EGR2: variants seen among roughly 807,000 people sequenced by gnomAD.
EGR2 encodes E3 SUMO-protein ligase EGR2.
EGR2 carries 2 observed loss-of-function variants against 21.2 expected under a neutral mutation model. The observed-to-expected ratio is 0.09, with a 90% CI of 0.04 to 0.30. The LOEUF is 0.30. EGR2 is among the 10% of genes least tolerant of loss of function. The probability of loss-of-function intolerance (pLI) is 1.00; values close to 1 mark genes in which losing one functional copy is unlikely to be tolerated. For synonymous variants in EGR2, 282 were observed against 258.2 expected (o/e 1.09, Z -0.88); for missense variants, 458 against 630.2 (o/e 0.73, Z 2.93).
upstream of EGR2, chr10:62,818,477 A>C: frequency 2.0e-6 from 2 of 995,700 alleles, no homozygotes; most frequent in Admixed American, 7.5e-5. Flanking sequence ...AAAATGTGCA[A>C]AGTCCTATTT....
Position 62,814,328 on chromosome 10 carries a change from C to T in EGR2, c.310G>A (p.Gly104Ser), listed in dbSNP as rs1282757083. The T allele has an allele frequency of 6.2e-7, 1 of 1,614,116 alleles. No homozygotes were observed. Among genetic ancestry groups the T allele is most frequent in the Non-Finnish European group, 8.5e-7 (1 of 1,180,020 alleles). ...ATGCCTTCTGGGTAGCAGCTGGCAC[C>T]AGGGTACTGAGGGTCAATGGAGAAC... is the stretch of plus-strand genomic sequence containing the variant. The part of the protein sequence containing the change: ...GKFSIDPQYP[G>S]ASCYPEGIIN... The change falls in exon 2 of 2, where the codon GGT becomes AGT. Residue 104 changes from glycine to serine, a missense_variant. Gly to Ser is a moderately conservative substitution (Grantham distance 56). Around this residue, in one of 5 missense-constraint regions of EGR2, gnomAD observed 253 missense variants for 315.5 expected, o/e 0.80. Coordinates refer to ENST00000242480, the MANE Select transcript of EGR2 (RefSeq NM_000399.5). The surrounding 1 kb of genome is among the most constrained non-coding windows in gnomAD (Gnocchi z 4.8).
chr10:62,816,314 AC>A lies in EGR2; in HGVS notation c.-286del, dbSNP rs1214153993. On this transcript the variant is annotated 5_prime_UTR_variant, in exon 1 of 2. Transcript: ENST00000242480. ...GAGTTGCTGGTGTAGTGTTATTATA[AC>A]AGTCAGTGAGTCCCCTCGCCGAGCT... 1.3e-5 allele frequency: 17 copies of A among 1,298,808 alleles called. No individual in the cohort carries two copies. The highest frequency in any genetic ancestry group is 1.7e-5 in the Non-Finnish European group (17 of 1,014,680). 80.5% of individuals were successfully genotyped at this position (1,298,808 alleles called of 1,614,324 possible). A position where few individuals can be genotyped will look rare whatever the true frequency, so the allele number is the denominator to read the frequency against.
chr10:62,817,904 C>T (rs1385541446), upstream of EGR2, among the ~76,000 whole-genome samples: 2 of 152,244 alleles, frequency 1.3e-5, no homozygotes, highest in Admixed American at 6.5e-5. This position sits in a 1 kb window ranked among gnomAD's most constrained non-coding sequence, Gnocchi z 4.4. Context: ...AGGCTGGTCC[C>T]GGGTGCCCAA....
In EGR2 at chr10:62,813,435, G is replaced by C. The variant is rs1464637425; in HGVS notation, c.1203C>G (p.Asp401Glu). Residue 401 changes from aspartate to glutamate, a missense_variant, in exon 2 of 2, where the codon GAC becomes GAG. This residue lies in a region of EGR2 where 39 missense variants were observed against 113.7 expected (regional missense o/e 0.34). Coordinates refer to ENST00000242480, the MANE Select transcript of EGR2 (RefSeq NM_000399.5). The surrounding 1 kb of genome is among the most constrained non-coding windows in gnomAD (Gnocchi z 5.7). Reference protein sequence around the residue: ...THTGEKPFACDYCGRKFARSD... With the variant: ...THTGEKPFACEYCGRKFARSD... ...TCCGGGCAAACTTTCGGCCACAGTA[G>C]TCACAGGCGAAGGGCTTCTCACCGG... The C allele has an allele frequency of 1.9e-6, 3 of 1,614,156 alleles. No homozygotes were observed. The highest frequency in any genetic ancestry group is 1.7e-6 in the Non-Finnish European group (2 of 1,180,018).
chr10:62,814,126 G>A lies in EGR2; in HGVS notation c.512C>T (p.Pro171Leu), dbSNP rs1249003592. ...LDHLYSPPPP[P>L]PPYSGCAGDL... is the part of the protein sequence containing the mutation. ...TCCTGCACAGCCAGAATAAGGAGGA[G>A]GAGGCGGTGGCGGAGAGTACAGGTG... is the stretch of plus-strand genomic sequence containing the variant. The change falls in exon 2 of 2, where the codon CCT becomes CTT. Residue 171 changes from proline to leucine, a missense_variant. Physicochemically the swap from Pro to Leu is moderately conservative, Grantham distance 98 (BLOSUM62 -3). Around this residue, in one of 5 missense-constraint regions of EGR2, gnomAD observed 253 missense variants for 315.5 expected, o/e 0.80. Coordinates refer to ENST00000242480, the MANE Select transcript of EGR2 (RefSeq NM_000399.5). This position sits in a 1 kb window ranked among gnomAD's most constrained non-coding sequence, Gnocchi z 4.8. 2 of 1,613,936 alleles carry A rather than the reference G, an allele frequency of 1.2e-6. No individual in the cohort carries two copies. Among genetic ancestry groups the A allele is most frequent in the South Asian group, 2.2e-5 (2 of 91,078 alleles).
At chr10:62,815,585 G>A (rs1452177056) in intron 1 of EGR2, among the ~76,000 whole-genome samples, 1 of 152,190 alleles carries the variant, frequency 6.6e-6, no homozygotes, top group Non-Finnish European at 1.5e-5. Flanking sequence ...AACCCGGGGG[G>A]ACGCCTCTTC....
In EGR2 at chr10:62,815,954, A is replaced by C. The variant is rs1419440640; in HGVS notation, c.76T>G (p.Tyr26Asp). 6.2e-7 allele frequency: 1 copy of C among 1,614,228 alleles called. No individual in the cohort carries two copies. The change falls in exon 1 of 2, where the codon TAC becomes GAC. Residue 26 changes from tyrosine (Y) to aspartate (D), a missense_variant. By Grantham distance (160) the Tyr-to-Asp change is radical (BLOSUM62 -3). Coordinates refer to ENST00000242480, the MANE Select transcript of EGR2 (RefSeq NM_000399.5). Reference protein sequence around the residue: ...GFVHQLSDNIYPVEDLAATSV... With the variant: ...GFVHQLSDNIDPVEDLAATSV... ...GTGGCGGCGAGGTCCTCCACCGGGT[A>C]GATGTTGTCAGACAGCTGGTGCACA...
At chr10:62,818,670 A>G (rs1442408407), upstream of EGR2, 2 of 1,222,570 alleles carry the variant, frequency 1.6e-6, no homozygotes, top group African/African-American at 3.2e-5. Flanking sequence ...GAACGGGGGA[A>G]AGCCGAATTA....
chr10:62,813,311 A>T lies in EGR2; in HGVS notation c.1327T>A (p.Cys443Ser). The change falls in exon 2 of 2, where the codon TGC (cysteine) becomes AGC (serine). Residue 443 changes from cysteine to serine, a missense_variant. This residue lies in a region of EGR2 where 69 missense variants were observed against 70.4 expected (regional missense o/e 0.98). Transcript: ENST00000242480. This position sits in a 1 kb window ranked among gnomAD's most constrained non-coding sequence, Gnocchi z 5.7. ...CCCCCAGGCTGCACGCCCCCAGAGC[A>T]GGAGGCTGTAGAGGGGGCTGGCACC... ...ASVPAPSTAS[C>S]SGGVQPGGTL... 1 of 1,581,052 alleles carries T rather than the reference A, an allele frequency of 6.3e-7. No individual in the cohort carries two copies. Among genetic ancestry groups the T allele is most frequent in the Non-Finnish European group, 8.6e-7 (1 of 1,160,804 alleles).
In EGR2 at chr10:62,814,531, A is replaced by AC; in HGVS notation, c.170-64dup. 6.8e-7 allele frequency: 1 copy of AC among 1,480,666 alleles called. No individual in the cohort carries two copies. 91.7% of individuals were successfully genotyped at this position (1,480,666 alleles called of 1,614,324 possible). ...AAAATACAGCCAGGACTCCCTTCTC[A>AC]CCCCCGCTCACATAGGTCCATTTCC... On this transcript the variant is annotated intron_variant, in intron 1 of 1. Coordinates refer to ENST00000242480, the MANE Select transcript of EGR2 (RefSeq NM_000399.5). This position sits in a 1 kb window ranked among gnomAD's most constrained non-coding sequence, Gnocchi z 4.8.
chr10:62,816,464 G>T (rs1842272910), upstream of EGR2: 6 of 882,852 alleles, frequency 6.8e-6, no homozygotes, highest in South Asian at 1.6e-4. Flanking sequence ...GGGCCAGGCG[G>T]CTTTTGCCGT....
Position 62,813,989 on chromosome 10 carries a change from G to A in EGR2, c.649C>T (p.Pro217Ser). 6.2e-7 allele frequency: 1 copy of A among 1,614,180 alleles called. No individual in the cohort carries two copies. Among genetic ancestry groups the A allele is most frequent in the Non-Finnish European group, 8.5e-7 (1 of 1,180,016 alleles). ...TCTGGGATCATTGGGAAGAGACCTGGGTCCGTGGCTGGCTTGGGGGATGGA... is the reference window on the plus strand; with the variant it reads ...TCTGGGATCATTGGGAAGAGACCTGAGTCCGTGGCTGGCTTGGGGGATGGA... The part of the protein sequence containing the change: ...SYPSPKPATD[P>S]GLFPMIPDYP... Residue 217 changes from proline to serine, a missense_variant, in exon 2 of 2, where the codon CCA becomes TCA. By Grantham distance (74) the Pro-to-Ser change is moderately conservative (BLOSUM62 -1). This residue lies in a region of EGR2 where 253 missense variants were observed against 315.5 expected (regional missense o/e 0.80). Coordinates refer to ENST00000242480, the MANE Select transcript of EGR2 (RefSeq NM_000399.5). The surrounding 1 kb of genome is among the most constrained non-coding windows in gnomAD (Gnocchi z 5.7).
At position 62,813,170 on chromosome 10, in the gene EGR2, G is replaced by T; in HGVS notation, c.*37C>A. On this transcript the variant is annotated 3_prime_UTR_variant, in exon 2 of 2. Coordinates refer to ENST00000242480, the MANE Select transcript of EGR2 (RefSeq NM_000399.5). The surrounding 1 kb of genome is among the most constrained non-coding windows in gnomAD (Gnocchi z 5.7). ...GCTCCAGTGGACAAAGGGCCTCCGG[G>T]ACCTTTGGGAGCTGGTGTATCAGCC... The T allele has an allele frequency of 6.5e-7, 1 of 1,528,622 alleles. No individual in the cohort carries two copies. The highest frequency in any genetic ancestry group is 1.3e-5 in the South Asian group (1 of 77,922). The allele number at this position is 1,528,622 out of a possible 1,614,324, so 94.7% of individuals were successfully genotyped here. A position where few individuals can be genotyped will look rare whatever the true frequency, so the allele number is the denominator to read the frequency against.
At position 62,813,160 on chromosome 10, in the gene EGR2, G is replaced by T; in HGVS notation, c.*47C>A. On this transcript the variant is annotated 3_prime_UTR_variant, in exon 2 of 2. Coordinates refer to ENST00000242480, the MANE Select transcript of EGR2 (RefSeq NM_000399.5). This position sits in a 1 kb window ranked among gnomAD's most constrained non-coding sequence, Gnocchi z 5.7. ...TTGTTGTGCAGCTCCAGTGGACAAA[G>T]GGCCTCCGGGACCTTTGGGAGCTGG... 3 of 1,515,944 alleles carry T rather than the reference G, an allele frequency of 2.0e-6. No homozygotes were observed. Among genetic ancestry groups the T allele is most frequent in the Non-Finnish European group, 8.8e-7 (1 of 1,139,734 alleles). The allele number at this position is 1,515,944 out of a possible 1,614,324, so 93.9% of individuals were successfully genotyped here. A position where few individuals can be genotyped will look rare whatever the true frequency, so the allele number is the denominator to read the frequency against.
Position 62,814,540 on chromosome 10 carries a change from C to G in EGR2, c.170-72G>C. ...CCAGGACTCCCTTCTCACCCCCGCT[C>G]ACATAGGTCCATTTCCAAGGCCGAG... is the stretch of plus-strand genomic sequence containing the variant. On this transcript the variant is annotated intron_variant, in intron 1 of 1. Coordinates refer to ENST00000242480, the MANE Select transcript of EGR2 (RefSeq NM_000399.5). This position sits in a 1 kb window ranked among gnomAD's most constrained non-coding sequence, Gnocchi z 4.8. 1 of 1,412,560 alleles carries G rather than the reference C, an allele frequency of 7.1e-7. No homozygotes were observed. The highest frequency in any genetic ancestry group is 2.3e-5 in the East Asian group (1 of 43,948). 87.5% of individuals were successfully genotyped at this position (1,412,560 alleles called of 1,614,324 possible). A position where few individuals can be genotyped will look rare whatever the true frequency, so the allele number is the denominator to read the frequency against.
In EGR2 at chr10:62,815,939, G is replaced by A. The variant is rs535186925; in HGVS notation, c.91C>T (p.Leu31Phe). ...AAGATGGTCACCGACGTGGCGGCGA[G>A]GTCCTCCACCGGGTAGATGTTGTCA... ...LSDNIYPVED[L>F]AATSVTIFPN... The change falls in exon 1 of 2, where the codon CTC (leucine) becomes TTC (phenylalanine). Residue 31 changes from leucine to phenylalanine, a missense_variant. Physicochemically the swap from Leu to Phe is conservative, Grantham distance 22. Coordinates refer to ENST00000242480, the MANE Select transcript of EGR2 (RefSeq NM_000399.5). 9 of 1,614,172 alleles carry A rather than the reference G, an allele frequency of 5.6e-6. No individual in the cohort carries two copies. The Admixed American group carries it at 1.0e-4, about 18-fold the overall frequency.
chr10:62,818,823 G>C (rs984504991), upstream of EGR2, among the ~76,000 whole-genome samples: 2 of 152,162 alleles, frequency 1.3e-5, no homozygotes, highest in African/African-American at 4.8e-5. Flanking sequence ...CGGCAGGCGG[G>C]CGAGTTGCCC....
Position 62,813,867 on chromosome 10 carries a change from C to G in EGR2, c.771G>C (p.Arg257=). 1 of 1,614,128 alleles carries G rather than the reference C, an allele frequency of 6.2e-7. No homozygotes were observed. The highest frequency in any genetic ancestry group is 8.5e-7 in the Non-Finnish European group (1 of 1,180,018). The change falls in exon 2 of 2, where the codon CGG becomes CGC. Residue 257 remains arginine (R), a synonymous_variant. Coordinates refer to ENST00000242480, the MANE Select transcript of EGR2 (RefSeq NM_000399.5). The surrounding 1 kb of genome is among the most constrained non-coding windows in gnomAD (Gnocchi z 5.7). ...AGAGTGGAGTGAGTGGAGGGGGCAC[C>G]CGCAGGGTGTCCAGTGGGCAGGGAA... ...KPFPCPLDTL[R]VPPPLTPLST...
Position 62,815,930 on chromosome 10 carries a change from T to G in EGR2, c.100A>C (p.Thr34Pro). The change falls in exon 1 of 2, where the codon ACG becomes CCG. Residue 34 changes from threonine (T) to proline (P), a missense_variant. Thr to Pro is a conservative substitution (Grantham distance 38). This residue lies in a region of EGR2 where 91 missense variants were observed against 105.2 expected (regional missense o/e 0.87). Transcript: ENST00000242480. ...NIYPVEDLAA[T>P]SVTIFPNAEL... ...GCATTGGGAAAGATGGTCACCGACG[T>G]GGCGGCGAGGTCCTCCACCGGGTAG... The G allele has an allele frequency of 6.2e-7, 1 of 1,614,198 alleles. No homozygotes were observed. Among genetic ancestry groups the G allele is most frequent in the Non-Finnish European group, 8.5e-7 (1 of 1,180,006 alleles).
Sources: allele counts gnomAD v4.1 joint callset (sites outside exome capture counted in the v4.1 genomes callset), GRCh38; gene constraint gnomAD v4.1.1; regional missense constraint gnomAD v4.1.1; non-coding constraint Gnocchi (gnomAD v3.1); transcripts MANE v1.5; gene names NCBI Gene and HGNC (gene_info 2026-07-23, HGNC 2026-07-21).